The following BBX variants were observed in gnomAD, a reference collection of about 807,000 sequenced individuals.
The protein encoded by BBX is BBX high mobility group box domain containing, also known as HMG box transcription factor BBX.
A neutral mutation model predicts 100.2 loss-of-function variants in BBX; 30 were observed. The ratio of observed to expected loss-of-function variants is 0.30; its 90% CI spans 0.22 to 0.41. BBX has a LOEUF of 0.41. BBX is among the 10% of genes least tolerant of loss of function. The pLI is 1.00. For synonymous variants in BBX, 376 were observed against 388.1 expected, an observed-to-expected ratio of 0.97 and a Z score of 0.37; for missense variants, 1,023 against 1,129.8, an observed-to-expected ratio of 0.91 and a Z score of 1.35.
At chr3:107,639,362 G>A (rs1279407316) in intron 2 of BBX, among the ~76,000 whole-genome samples, 3 of 152,082 alleles carry the variant, frequency 2.0e-5, no homozygotes, top group East Asian at 3.9e-4. Context: ...TGTAGGTCAG[G>A]GTTTACTTCA....
At chr3:107,583,411 T>G (rs1238209986) in intron 2 of BBX, among the ~76,000 whole-genome samples, 2 of 152,034 alleles carry the variant, frequency 1.3e-5, no homozygotes, top group Non-Finnish European at 2.9e-5. Context: ...AATCGATACC[T>G]TATTTATCAT....
chr3:107,780,831 G>T (rs2067803859), intron 13 of BBX, among the ~76,000 whole-genome samples: 1 of 151,950 alleles, frequency 6.6e-6, no homozygotes, highest in Admixed American at 6.6e-5. Flanking sequence ...TTAGGGGACA[G>T]AGGAGATTAT....
chr3:107,558,467 G>T (rs1403049007), intron 2 of BBX, among the ~76,000 whole-genome samples: 1 of 151,982 alleles, frequency 6.6e-6, no homozygotes, highest in Non-Finnish European at 1.5e-5. Flanking sequence ...CAGCCTGGGG[G>T]ACAGAGCGAG....
At chr3:107,677,596 T>G (rs937127792) in intron 3 of BBX, 1 of 152,194 alleles carries the variant, frequency 6.6e-6, no homozygotes, top group Non-Finnish European at 1.5e-5. Context: ...CAAAATCATC[T>G]AACAGAAAGC....
intron 2 of BBX, among the ~76,000 whole-genome samples, chr3:107,607,993 TC>T (rs2107644307): frequency 6.6e-6 from 1 of 152,338 alleles, no homozygotes; most frequent in South Asian, 2.1e-4. Flanking sequence ...GCAAATATTT[TC>T]TCTCATTCTG....
intron 2 of BBX, among the ~76,000 whole-genome samples, chr3:107,622,075 T>A (rs565906174): frequency 6.6e-6 from 1 of 152,364 alleles, no homozygotes; most frequent in Admixed American, 6.5e-5. Flanking sequence ...AATTCTCTTA[T>A]GTTTTTCATT....
At chr3:107,537,228 G>A (rs1474450853) in intron 2 of BBX, among the ~76,000 whole-genome samples, 1 of 151,964 alleles carries the variant, frequency 6.6e-6, no homozygotes, top group Admixed American at 6.6e-5. Flanking sequence ...TGCTATTAAC[G>A]TCACCATATG....
rs984261463 is a variant in BBX at position 107,810,369 on chromosome 3, C to T, written c.*4912C>T. The T allele has an allele frequency of 2.0e-5, 3 of 152,124 alleles. No homozygotes were observed. The highest frequency in any genetic ancestry group is 2.9e-5 in the Non-Finnish European group (2 of 68,018). 9.4% of individuals were successfully genotyped at this position (152,124 alleles called of 1,614,324 possible). A position where few individuals can be genotyped will look rare whatever the true frequency, so the allele number is the denominator to read the frequency against. On this transcript the variant is annotated 3_prime_UTR_variant, in exon 18 of 18. Coordinates refer to ENST00000325805, the MANE Select transcript of BBX (RefSeq NM_001142568.3). ...GTCAAAACTGATCATGTGCTTAAAT[C>T]GATTTTTATGCACAGAACTAGTTAT... is the stretch of plus-strand genomic sequence containing the variant.
intron 3 of BBX, among the ~76,000 whole-genome samples, chr3:107,676,606 A>C (rs2059293681): frequency 6.6e-6 from 1 of 152,140 alleles, no homozygotes; most frequent in Non-Finnish European, 1.5e-5. Flanking sequence ...AAGCATGTTA[A>C]ATTGAATCTC....
At chr3:107,566,995 A>G (rs1298181403) in intron 2 of BBX, among the ~76,000 whole-genome samples, 4 of 152,050 alleles carry the variant, frequency 2.6e-5, no homozygotes, top group African/African-American at 9.7e-5. Context: ...ATTCAATTTG[A>G]TTTTAAAATT....
At chr3:107,592,708 C>A (rs2053417228) in intron 2 of BBX, among the ~76,000 whole-genome samples, 1 of 152,010 alleles carries the variant, frequency 6.6e-6, no homozygotes, top group African/African-American at 2.4e-5. Flanking sequence ...TCAAATTTTT[C>A]AAATAAGTAT....
At chr3:107,745,867 C>A (rs2064546577) in intron 8 of BBX, among the ~76,000 whole-genome samples, 1 of 151,998 alleles carries the variant, frequency 6.6e-6, no homozygotes, top group Non-Finnish European at 1.5e-5. Flanking sequence ...CTAATGATAC[C>A]TCTAAAATTT....
At chr3:107,736,123 G>A (rs577830591) in intron 7 of BBX, among the ~76,000 whole-genome samples, 1 of 152,084 alleles carries the variant, frequency 6.6e-6, no homozygotes, top group Admixed American at 6.6e-5. Context: ...CATTGAGCAC[G>A]AAAGACATAA....
intron 16 of BBX, among the ~76,000 whole-genome samples, chr3:107,799,348 G>A (rs1267168187): frequency 6.6e-6 from 1 of 152,192 alleles, no homozygotes. Context: ...GTAAGCAACT[G>A]TGGTTCCTAC....
intron 7 of BBX, among the ~76,000 whole-genome samples, chr3:107,743,669 T>C (rs1490381244): frequency 6.6e-6 from 1 of 152,216 alleles, no homozygotes; most frequent in African/African-American, 2.4e-5. Context: ...TCTGGGTAAC[T>C]AGTAGCTCTT....
intron 8 of BBX, among the ~76,000 whole-genome samples, chr3:107,746,251 A>G (rs2107619446): frequency 6.6e-6 from 1 of 152,246 alleles, no homozygotes; most frequent in Non-Finnish European, 1.5e-5. Context: ...TAGGGATGAA[A>G]AGTGATGTCT....
chr3:107,795,881 A>C (rs192613253), intron 15 of BBX, among the ~76,000 whole-genome samples: 1 of 152,174 alleles, frequency 6.6e-6, no homozygotes, highest in Non-Finnish European at 1.5e-5. Context: ...GGAACAAACT[A>C]GAAAAGGAAC....
In BBX at chr3:107,782,326, T is replaced by C. The variant is rs79333198; in HGVS notation, c.2203+3807T>C. Among the ~76,000 whole-genome samples, 2 of 152,090 alleles carry C rather than the reference T, an allele frequency of 1.3e-5. 1 individual carries two copies. Among genetic ancestry groups the C allele is most frequent in the South Asian group, 4.1e-4 (2 of 4,832 alleles). The stretch of plus-strand genomic sequence containing the variant: ...TATTGCATAGGAATATATTTTTTCA[T>C]TGGGTACTCATTACTTACAAGTCCA... On this transcript the variant is annotated intron_variant, in intron 13 of 17. Coordinates refer to ENST00000325805, the MANE Select transcript of BBX (RefSeq NM_001142568.3).
chr3:107,766,247 T>C, intron 10 of BBX, among the ~76,000 whole-genome samples: 1 of 152,184 alleles, frequency 6.6e-6, no homozygotes, highest in Non-Finnish European at 1.5e-5. Flanking sequence ...TTTTTTCAAA[T>C]TGTGATTATG....
Sources: gnomAD v4.1 joint callset for allele counts (sites outside exome capture counted in the v4.1 genomes callset) on GRCh38, gnomAD v4.1.1 for gene constraint, MANE v1.5 for transcripts, NCBI Gene and HGNC (gene_info 2026-07-23, HGNC 2026-07-21) for gene names.